UPF2: variants seen among roughly 807,000 people sequenced by gnomAD.
UPF2 encodes UPF2 regulator of nonsense mediated mRNA decay.
In UPF2, 17 loss-of-function variants were observed where a neutral mutation model predicts 141.4. That is an observed-to-expected ratio of 0.12 (90% CI 0.08 to 0.18). The LOEUF (loss-of-function observed/expected upper bound fraction) is 0.18. UPF2 is among the 10% of genes least tolerant of loss of function. The probability of loss-of-function intolerance (pLI) is 1.00; values close to 1 mark genes in which losing one functional copy is unlikely to be tolerated. For missense variants in UPF2, 1,152 were observed against 1,515.9 expected (o/e 0.76, Z 3.99); for synonymous variants, 540 against 498.0 (o/e 1.08, Z -1.12).
rs1834212157 is a variant in UPF2, at chr10:12,016,011, ATG to A, written c.1146-1829_1146-1828del. On this transcript the variant is annotated intron_variant, in intron 3 of 21. Transcript: ENST00000357604. This position sits in a 1 kb window ranked among gnomAD's most constrained non-coding sequence, Gnocchi z 4.1. ...AGAGCATGTTTCCCCCTCTTCAAACATGTGTTTCAGACTACTGTTACAAACAC... is the reference window on the plus strand; with the variant it reads ...AGAGCATGTTTCCCCCTCTTCAAACATGTTTCAGACTACTGTTACAAACAC... 6.6e-6 allele frequency among the ~76,000 whole-genome samples: 1 copy of A among 152,174 alleles called. No individual in the cohort carries two copies. Among genetic ancestry groups the A allele is most frequent in the Non-Finnish European group, 1.5e-5 (1 of 68,034 alleles).
chr10:12,006,230 A>AGG (rs1333848626), intron 4 of UPF2, among the ~76,000 whole-genome samples: 1 of 152,248 alleles, frequency 6.6e-6, no homozygotes, highest in Non-Finnish European at 1.5e-5. Context: ...CTGGAAAAGA[A>AGG]GGGAAGAAAG....
At chr10:11,955,687 G>C (rs900058372) in intron 13 of UPF2, among the ~76,000 whole-genome samples, 180 bp from the exon 14 acceptor site, 1 of 152,058 alleles carries the variant, frequency 6.6e-6, no homozygotes, top group Admixed American at 6.6e-5. Flanking sequence ...CTAGGAAATG[G>C]CTATCTTTAA....
At chr10:12,013,096 G>T (rs1423502288) in intron 4 of UPF2, among the ~76,000 whole-genome samples, 1 of 149,382 alleles carries the variant, frequency 6.7e-6, no homozygotes, top group Non-Finnish European at 1.5e-5. Context: ...CTGCACTCCA[G>T]CCTGAGCGAC....
At chr10:11,968,844 C>T (rs1414644424) in intron 9 of UPF2, among the ~76,000 whole-genome samples, 3 of 152,152 alleles carry the variant, frequency 2.0e-5, no homozygotes, top group Non-Finnish European at 4.4e-5. Flanking sequence ...TAATGTGGTG[C>T]CCTGAATTAG....
intron 9 of UPF2, among the ~76,000 whole-genome samples, chr10:11,976,160 T>G (rs1833504025): frequency 6.6e-6 from 1 of 152,222 alleles, no homozygotes. Flanking sequence ...AGAATTTCCT[T>G]AACTGCCAGT....
rs1833567141 is a variant in UPF2 at position 11,980,032 on chromosome 10, T to G, written c.1845-867A>C. ...ATTACAGAACCCACTCAGATCTTCA[T>G]TCAGGATCTTAATTTGGACAGTAAA... On this transcript the variant is annotated intron_variant, in intron 8 of 21. Coordinates refer to ENST00000357604, the MANE Select transcript of UPF2 (RefSeq NM_015542.4). This position sits in a 1 kb window ranked among gnomAD's most constrained non-coding sequence, Gnocchi z 4.2. Among the ~76,000 whole-genome samples, 2 of 152,228 alleles carry G rather than the reference T, an allele frequency of 1.3e-5. No homozygotes were observed. Among genetic ancestry groups the G allele is most frequent in the Admixed American group, 1.3e-4 (2 of 15,280 alleles).
At chr10:11,941,941 TTAAA>T (rs1832941239) in intron 18 of UPF2, among the ~76,000 whole-genome samples, 1 of 152,236 alleles carries the variant, frequency 6.6e-6, no homozygotes, top group Non-Finnish European at 1.5e-5. Flanking sequence ...TCTTTAAACA[TTAAA>T]TAACAAACAT....
chr10:12,035,549 G>C, intron 1 of UPF2, 108 bp from the exon 2 acceptor site: 2 of 1,235,246 alleles, frequency 1.6e-6, no homozygotes, highest in Non-Finnish European at 2.1e-6. Flanking sequence ...AATTGTAAAA[G>C]AGTAAATAAA....
chr10:12,030,582 A>T (rs1446587767), intron 2 of UPF2, among the ~76,000 whole-genome samples: 1 of 151,680 alleles, frequency 6.6e-6, no homozygotes, highest in Non-Finnish European at 1.5e-5. Context: ...ACTATAAAAG[A>T]ATGCATTAAA....
intron 4 of UPF2, among the ~76,000 whole-genome samples, chr10:12,013,600 T>A (rs923657526): frequency 6.6e-6 from 1 of 151,984 alleles, no homozygotes; most frequent in Non-Finnish European, 1.5e-5. Flanking sequence ...GTAAACAGAA[T>A]TGCCAGGAAA....
At chr10:11,938,854 T>TTTTTTTTG (rs1832891478) in intron 18 of UPF2, among the ~76,000 whole-genome samples, 1 of 38,520 alleles carries the variant, frequency 2.6e-5, no homozygotes, top group Non-Finnish European at 4.8e-5. Context: ...TTTTTTTTTG[T>TTTTTTTTG]TTTTTTTTTT....
intron 8 of UPF2, among the ~76,000 whole-genome samples, chr10:11,996,161 G>A (rs943979315): frequency 1.3e-5 from 2 of 152,016 alleles, no homozygotes; most frequent in Non-Finnish European, 2.9e-5. Context: ...CAGCAGACCC[G>A]TAACGAATTA....
chr10:11,956,280 C>T lies in UPF2; in HGVS notation c.2574+40G>A, dbSNP rs374357643. ...TAACCTAGAAATAATAAATTCTCCA[C>T]GAATTCCAGTTGTGTGACATTAAAG... On this transcript the variant is annotated intron_variant, in intron 13 of 21. Transcript: ENST00000357604. The surrounding 1 kb of genome is among the most constrained non-coding windows in gnomAD (Gnocchi z 4.2). The T allele has an allele frequency of 2.4e-5, 38 of 1,576,808 alleles. No homozygotes were observed. The highest frequency in any genetic ancestry group is 3.2e-5 in the Non-Finnish European group (37 of 1,146,538).
At chr10:11,976,428 T>A (rs1300953656) in intron 9 of UPF2, among the ~76,000 whole-genome samples, 1 of 152,236 alleles carries the variant, frequency 6.6e-6, no homozygotes, top group Non-Finnish European at 1.5e-5. Flanking sequence ...CCTAAATGTC[T>A]AGGTGCAAAA....
Position 11,936,397 on chromosome 10 carries a change from C to CAAAAACA in UPF2, c.3546+147_3546+148insTGTTTTT, listed in dbSNP as rs1832851248. ...ACAAAAACAAAAACAAAAACAAAAA[C>CAAAAACA]AAAAAAAACTATATAAGGGAAGAAA... On this transcript the variant is annotated intron_variant, in intron 19 of 21. Coordinates refer to ENST00000357604, the MANE Select transcript of UPF2 (RefSeq NM_015542.4). The surrounding 1 kb of genome is among the most constrained non-coding windows in gnomAD (Gnocchi z 6.6). 1 of 858,884 alleles carries CAAAAACA rather than the reference C, an allele frequency of 1.2e-6. No homozygotes were observed. Among genetic ancestry groups the CAAAAACA allele is most frequent in the African/African-American group, 1.8e-5 (1 of 56,136 alleles). The allele number at this position is 858,884 out of a possible 1,614,324, so 53.2% of individuals were successfully genotyped here.
chr10:11,985,934 G>C (rs1833683847), intron 8 of UPF2, among the ~76,000 whole-genome samples: 1 of 106,082 alleles, frequency 9.4e-6, no homozygotes, highest in African/African-American at 4.5e-5. Flanking sequence ...GCCCAGGCTG[G>C]AGTGCAGTGG....
chr10:11,934,800 G>A (rs1438243056), intron 19 of UPF2, among the ~76,000 whole-genome samples: 1 of 152,118 alleles, frequency 6.6e-6, no homozygotes, highest in Non-Finnish European at 1.5e-5. Context: ...ATGTTGGTCA[G>A]GCTGGTCTTG....
At chr10:11,951,723 C>A (rs942257833) in intron 15 of UPF2, among the ~76,000 whole-genome samples, 1 of 152,030 alleles carries the variant, frequency 6.6e-6, no homozygotes, top group South Asian at 2.1e-4. Context: ...AAAATATATA[C>A]GCAAAAATAA....
At chr10:12,000,780 T>A (rs761997074) in intron 6 of UPF2, among the ~76,000 whole-genome samples, 1 of 152,098 alleles carries the variant, frequency 6.6e-6, no homozygotes, top group Non-Finnish European at 1.5e-5. Context: ...CACTCCAGCC[T>A]GGGCAAGAGT....
Sources: allele counts gnomAD v4.1 joint callset (sites outside exome capture counted in the v4.1 genomes callset), GRCh38; gene constraint gnomAD v4.1.1; non-coding constraint Gnocchi (gnomAD v3.1); transcripts MANE v1.5; gene names NCBI Gene and HGNC (gene_info 2026-07-23, HGNC 2026-07-21).